CCDC93: variants seen among roughly 807,000 people sequenced by gnomAD.
CCDC93 encodes CCC complex scaffolding subunit CCDC93.
CCDC93 carries 61 observed loss-of-function variants against 108.2 expected under a neutral mutation model. That is an observed-to-expected ratio of 0.56 (90% CI 0.46 to 0.70). The LOEUF (loss-of-function observed/expected upper bound fraction) is 0.70. Among genes scored for constraint, CCDC93 ranks in the 30% least tolerant of loss-of-function variants. CCDC93 has a pLI of 0.00. For missense variants in CCDC93, 685 were observed against 764.2 expected, an observed-to-expected ratio of 0.90 and a Z score of 1.22; for synonymous variants, 276 against 260.4, an observed-to-expected ratio of 1.06 and a Z score of -0.58.
chr2:117,989,885 C>T (rs773637820), intron 6 of CCDC93, among the ~76,000 whole-genome samples: 6 of 152,346 alleles, frequency 3.9e-5, no homozygotes, highest in Non-Finnish European at 5.9e-5. Flanking sequence ...TTCCTCACAG[C>T]ATTCCCTATG....
rs1206757961 is a variant in CCDC93 at position 117,941,234 on chromosome 2, C to T, written c.1477G>A (p.Glu493Lys). 1.2e-6 allele frequency: 2 copies of T among 1,613,832 alleles called. No homozygotes were observed. The highest frequency in any genetic ancestry group is 1.7e-6 in the Non-Finnish European group (2 of 1,179,892). The change falls in exon 19 of 24, where the codon GAG becomes AAG. Residue 493 changes from glutamate (E) to lysine (K), a missense_variant. Glu to Lys is a moderately conservative substitution (Grantham distance 56, BLOSUM62 1). Coordinates refer to ENST00000376300, the MANE Select transcript of CCDC93 (RefSeq NM_019044.5). ...AATCTCTTCTGATACTGTATTAGCTCGGCACGGCTAGGGACTTCATCAATC... is the reference window on the plus strand; with the variant it reads ...AATCTCTTCTGATACTGTATTAGCTTGGCACGGCTAGGGACTTCATCAATC... ...RKIDEVPSRA[E>K]LIQYQKRFIE...
chr2:117,974,046 C>A, intron 10 of CCDC93, 52 bp from the exon 11 acceptor site: 1 of 1,191,702 alleles, frequency 8.4e-7, no homozygotes, highest in Non-Finnish European at 1.2e-6. Context: ...TCTTCCATAG[C>A]ACTGGAAAAT....
intron 13 of CCDC93, among the ~76,000 whole-genome samples, chr2:117,952,144 C>A (rs548813442): frequency 5.9e-5 from 9 of 151,978 alleles, no homozygotes; most frequent in South Asian, 4.2e-4. Context: ...CACAGAGACC[C>A]CTCCCACCAA....
At chr2:117,944,522 C>T (rs1022295351) in intron 17 of CCDC93, among the ~76,000 whole-genome samples, 2 of 152,148 alleles carry the variant, frequency 1.3e-5, no homozygotes, top group African/African-American at 2.4e-5. Context: ...CAGAACATTT[C>T]TATCACTGCA....
intron 3 of CCDC93, among the ~76,000 whole-genome samples, chr2:118,005,752 CA>C (rs11439902): frequency 1.6e-4 from 22 of 134,420 alleles, no homozygotes; most frequent in Admixed American, 1.5e-4. Flanking sequence ...GACTCTGTCT[CA>C]AAAAAAAAAA....
At chr2:117,977,289 T>A (rs1325509852) in intron 8 of CCDC93, among the ~76,000 whole-genome samples, 1 of 152,134 alleles carries the variant, frequency 6.6e-6, no homozygotes, top group Non-Finnish European at 1.5e-5. Flanking sequence ...CTTATTAAGT[T>A]CACTTTAGAG....
At chr2:117,990,229 G>A (rs957136858) in intron 6 of CCDC93, among the ~76,000 whole-genome samples, 1 of 152,196 alleles carries the variant, frequency 6.6e-6, no homozygotes, top group African/African-American at 2.4e-5. Context: ...AGACAGAGGA[G>A]CTGATTATGA....
At chr2:117,996,170 G>T in intron 5 of CCDC93, 94 bp downstream of exon 5, 2 of 740,496 alleles carry the variant, frequency 2.7e-6, no homozygotes. Flanking sequence ...GAGAATGTAG[G>T]GGAGCCTGAG....
intron 11 of CCDC93, among the ~76,000 whole-genome samples, chr2:117,971,112 C>A (rs1679745698): frequency 6.6e-6 from 1 of 152,188 alleles, no homozygotes; most frequent in Non-Finnish European, 1.5e-5. Context: ...CCTGCAATCC[C>A]AGCACTTTGG....
chr2:117,936,786 T>C, intron 20 of CCDC93, 47 bp from the exon 21 acceptor site: 1 of 1,466,288 alleles, frequency 6.8e-7, no homozygotes, highest in East Asian at 2.3e-5. Flanking sequence ...GGCAAAAAGA[T>C]TTCCACACTA....
chr2:117,966,570 C>T (rs538431063), intron 11 of CCDC93, among the ~76,000 whole-genome samples: 2 of 152,318 alleles, frequency 1.3e-5, no homozygotes, highest in African/African-American at 2.4e-5. Flanking sequence ...ACTGAAGAGG[C>T]AGTCTTCTCT....
Position 117,968,144 on chromosome 2 carries a change from G to A in CCDC93, c.888+5764C>T, listed in dbSNP as rs956311068. 5.9e-5 allele frequency among the ~76,000 whole-genome samples: 9 copies of A among 152,236 alleles called. No individual in the cohort carries two copies. In the East Asian group the frequency reaches 7.7e-4, roughly 13 times the overall value. ...TAGTTGGCAGACTAAGTATTAAAGC[G>A]GTCAAAACGGTGTATGGTTAGTTAG... is the stretch of plus-strand genomic sequence containing the variant. On this transcript the variant is annotated intron_variant, in intron 11 of 23. Transcript: ENST00000376300.
intron 7 of CCDC93, among the ~76,000 whole-genome samples, chr2:117,980,489 T>C (rs867336166): frequency 2.0e-5 from 3 of 152,202 alleles, no homozygotes; most frequent in South Asian, 2.1e-4. Flanking sequence ...ACTTGATTCC[T>C]AGGACGAATC....
In CCDC93 at chr2:117,944,042, G is replaced by A. The variant is rs1412186130; in HGVS notation, c.1395C>T (p.Tyr465=). The A allele has an allele frequency of 6.2e-7, 1 of 1,605,086 alleles. No homozygotes were observed. Among genetic ancestry groups the A allele is most frequent in the Non-Finnish European group, 8.5e-7 (1 of 1,176,464 alleles). ...RRYNMEKEKL[Y]KIRLLQARRN... is the part of the protein sequence containing the mutation. ...TACTCACCTGTAGTAAACGTATCTT[G>A]TAAAGTTTCTCTTTCTCCATATTAT... is the stretch of plus-strand genomic sequence containing the variant. The change falls in exon 18 of 24, where the codon TAC becomes TAT. Residue 465 remains tyrosine, a synonymous_variant. Coordinates refer to ENST00000376300, the MANE Select transcript of CCDC93 (RefSeq NM_019044.5).
At chr2:117,995,690 A>G in intron 5 of CCDC93, 188 bp from the exon 6 acceptor site, 1 of 578,602 alleles carries the variant, frequency 1.7e-6, no homozygotes. Flanking sequence ...GATGGCTCCA[A>G]CATAGATCCC....
intron 8 of CCDC93, among the ~76,000 whole-genome samples, chr2:117,977,206 T>C (rs777947358): frequency 2.0e-5 from 3 of 152,160 alleles, no homozygotes; most frequent in African/African-American, 2.4e-5. Flanking sequence ...CTGACCACTA[T>C]AGCTGACACT....
chr2:117,982,758 G>GT (rs1451725900), intron 7 of CCDC93, among the ~76,000 whole-genome samples: 1 of 4,288 alleles, frequency 2.3e-4, no homozygotes, highest in South Asian at 0.036. Context: ...AGTGTAGTGG[G>GT]GGGGGGGGTG....
chr2:117,995,559 G>T, intron 5 of CCDC93, 57 bp from the exon 6 acceptor site: 1 of 1,234,540 alleles, frequency 8.1e-7, no homozygotes, highest in Non-Finnish European at 1.1e-6. Flanking sequence ...AAACTCAAGT[G>T]GACCACTCAG....
intron 17 of CCDC93, among the ~76,000 whole-genome samples, chr2:117,945,241 C>G (rs998863608): frequency 6.6e-6 from 1 of 152,226 alleles, no homozygotes; most frequent in African/African-American, 2.4e-5. Context: ...ATGCGGCCAA[C>G]GCAGGCCTCT....
Sources: allele counts gnomAD v4.1 joint callset (sites outside exome capture counted in the v4.1 genomes callset), GRCh38; gene constraint gnomAD v4.1.1; transcripts MANE v1.5; gene names NCBI Gene and HGNC (gene_info 2026-07-23, HGNC 2026-07-21).